Variants in L3MBTL4 observed in about 807,000 individuals in gnomAD.
L3MBTL4 encodes the protein L3MBTL histone methyl-lysine binding protein 4, also known as lethal(3)malignant brain tumor-like protein 4.
In L3MBTL4, 70 loss-of-function variants were observed where a neutral mutation model predicts 84.5. That is an observed-to-expected ratio of 0.83 (90% CI 0.68 to 1.01). L3MBTL4 has a LOEUF of 1.01. Among genes scored for constraint, L3MBTL4 ranks in the 50% least tolerant of loss-of-function variants. L3MBTL4 has a pLI of 0.00. For synonymous variants in L3MBTL4, 274 were observed against 259.8 expected, an observed-to-expected ratio of 1.05 and a Z score of -0.52; for missense variants, 715 against 754.8, an observed-to-expected ratio of 0.95 and a Z score of 0.62.
At chr18:6,074,916 T>C (rs1353707971) in intron 16 of L3MBTL4, among the ~76,000 whole-genome samples, 1 of 152,062 alleles carries the variant, frequency 6.6e-6, no homozygotes, top group Non-Finnish European at 1.5e-5. Flanking sequence ...TGATCATCTC[T>C]ATACAAGCAG....
chr18:5,990,822 TC>T (rs1019232815), intron 16 of L3MBTL4, among the ~76,000 whole-genome samples: 1 of 151,346 alleles, frequency 6.6e-6, no homozygotes, highest in African/African-American at 2.4e-5. Context: ...TACTCTTCAG[TC>T]CCAGTACTCA....
intron 13 of L3MBTL4, among the ~76,000 whole-genome samples, chr18:6,162,680 A>G (rs1054746499): frequency 2.0e-5 from 3 of 152,224 alleles, no homozygotes; most frequent in Non-Finnish European, 4.4e-5. Flanking sequence ...CATAGATAAA[A>G]GACACAGTAA....
chr18:6,273,881 C>T (rs1388647393), intron 4 of L3MBTL4, among the ~76,000 whole-genome samples: 8 of 152,174 alleles, frequency 5.3e-5, no homozygotes. Flanking sequence ...GATCTGGTGA[C>T]TCAACAGTTT....
intron 4 of L3MBTL4, among the ~76,000 whole-genome samples, chr18:6,285,483 A>AGCGTGT (rs755467364): frequency 4.0e-5 from 6 of 151,012 alleles, no homozygotes; most frequent in African/African-American, 1.5e-4. Context: ...AGTGCTATAA[A>AGCGTGT]GTGTGTGTGT....
At chr18:6,311,890 G>A (rs751649695) in intron 2 of L3MBTL4, 108 bp downstream of exon 2, 63 of 336,706 alleles carry the variant, frequency 1.9e-4, no homozygotes, top group Non-Finnish European at 3.0e-4. Context: ...GGGGAAAATA[G>A]ATATTATTGC....
In L3MBTL4 at chr18:6,213,232, T is replaced by C. The variant is rs755923281; in HGVS notation, c.898A>G (p.Met300Val). 1.9e-6 allele frequency: 3 copies of C among 1,609,924 alleles called. No individual in the cohort carries two copies. The highest frequency in any genetic ancestry group is 2.5e-6 in the Non-Finnish European group (3 of 1,178,486). ...CGTTTATCCACAACTTCAAGTTTCA[T>C]ATTTGGCAGAAAACCATGAGGCAAC... Reference protein sequence around the residue: ...MRLPHGFLPNMKLEVVDKRNP... With the variant: ...MRLPHGFLPNVKLEVVDKRNP... The change falls in exon 12 of 19, where the codon ATG becomes GTG. Residue 300 changes from methionine to valine, a missense_variant. Transcript: ENST00000317931.
chr18:6,045,163 C>T (rs1368949521), intron 16 of L3MBTL4, among the ~76,000 whole-genome samples: 2 of 152,174 alleles, frequency 1.3e-5, no homozygotes, highest in Admixed American at 1.3e-4. Flanking sequence ...CAGAGGGAAC[C>T]CCATCAGGCT....
intron 12 of L3MBTL4, among the ~76,000 whole-genome samples, chr18:6,197,790 G>C (rs1217659898): frequency 6.6e-6 from 1 of 152,102 alleles, no homozygotes; most frequent in Non-Finnish European, 1.5e-5. Flanking sequence ...CTTAGCCAAG[G>C]TTCCTGCCAG....
intron 16 of L3MBTL4, among the ~76,000 whole-genome samples, chr18:6,040,338 G>A (rs2056344318): frequency 6.6e-6 from 1 of 152,150 alleles, no homozygotes. Context: ...TCACATCTTG[G>A]GGTGGGAGGG....
At chr18:6,085,542 G>C (rs2143425631) in intron 15 of L3MBTL4, among the ~76,000 whole-genome samples, 1 of 152,322 alleles carries the variant, frequency 6.6e-6, no homozygotes, top group Middle Eastern at 3.4e-3. Context: ...CATGGGGGCA[G>C]TTTCCCCATG....
intron 13 of L3MBTL4, among the ~76,000 whole-genome samples, chr18:6,160,637 A>G (rs2043293394): frequency 6.6e-6 from 1 of 151,554 alleles, no homozygotes; most frequent in Admixed American, 6.6e-5. Flanking sequence ...AGTATGAGAC[A>G]GGAGAATCAC....
At chr18:6,312,889 C>G (rs1342295586) in intron 1 of L3MBTL4, among the ~76,000 whole-genome samples, 1 of 152,062 alleles carries the variant, frequency 6.6e-6, no homozygotes, top group African/African-American at 2.4e-5. Flanking sequence ...GCTGCTTCTC[C>G]ACTCCATACT....
intron 4 of L3MBTL4, among the ~76,000 whole-genome samples, chr18:6,301,472 C>A (rs1306369401): frequency 2.0e-5 from 3 of 152,016 alleles, no homozygotes; most frequent in Non-Finnish European, 4.4e-5. Context: ...TATTAATAAC[C>A]ATAATGAGGA....
chr18:6,331,601 T>C (rs916606260), intron 1 of L3MBTL4, among the ~76,000 whole-genome samples: 1 of 152,154 alleles, frequency 6.6e-6, no homozygotes, highest in East Asian at 1.9e-4. Context: ...ATTTTTATAA[T>C]AGAAAAAGCC....
At chr18:6,130,295 C>T (rs945540966) in intron 14 of L3MBTL4, among the ~76,000 whole-genome samples, 5 of 150,716 alleles carry the variant, frequency 3.3e-5, no homozygotes, top group Admixed American at 6.6e-5. Context: ...GGGGAACAGA[C>T]GTGAAAAGAA....
At chr18:6,036,948 T>G (rs1207670608) in intron 16 of L3MBTL4, among the ~76,000 whole-genome samples, 1 of 152,154 alleles carries the variant, frequency 6.6e-6, no homozygotes, top group East Asian at 1.9e-4. Flanking sequence ...GTCTTTAATG[T>G]CTGGTCCCAA....
chr18:6,210,507 G>A (rs2046058309), intron 12 of L3MBTL4, among the ~76,000 whole-genome samples: 1 of 152,198 alleles, frequency 6.6e-6, no homozygotes, highest in African/African-American at 2.4e-5. Flanking sequence ...ACTATCTTGT[G>A]ACCTTGGACC....
chr18:5,958,062 G>GAGGAGAAGA (rs2095238979), intron 18 of L3MBTL4, among the ~76,000 whole-genome samples: 1 of 93,200 alleles, frequency 1.1e-5, no homozygotes, highest in Non-Finnish European at 2.1e-5. Context: ...GAAGGAGAAG[G>GAGGAGAAGA]AGAAGAAGAA....
At position 6,343,214 on chromosome 18, in the gene L3MBTL4, A is replaced by C. The variant is rs181406544; in HGVS notation, c.-90-31158T>G. Reference sequence around the variant, plus strand: ...ACAGAAAATCAATAAGGGAACAACGAAATTCAGCAACACTATAAACCAAAT... The same window carrying C: ...ACAGAAAATCAATAAGGGAACAACGCAATTCAGCAACACTATAAACCAAAT... On this transcript the variant is annotated intron_variant, in intron 1 of 18. Transcript: ENST00000317931. 3.3e-3 allele frequency among the ~76,000 whole-genome samples: 497 copies of C among 152,334 alleles called. 2 individuals carry two copies. The highest frequency in any genetic ancestry group is 0.017 in the Middle Eastern group (5 of 294).
Sources: gnomAD v4.1 joint callset for allele counts (sites outside exome capture counted in the v4.1 genomes callset) on GRCh38, gnomAD v4.1.1 for gene constraint, MANE v1.5 for transcripts, NCBI Gene and HGNC (gene_info 2026-07-23, HGNC 2026-07-21) for gene names.